The following SHTN1 variants were observed in gnomAD, a reference collection of about 807,000 sequenced individuals.
The protein encoded by SHTN1 is shootin 1.
In SHTN1, 42 loss-of-function variants were observed where a neutral mutation model predicts 83.1. That is an observed-to-expected ratio of 0.51 (90% confidence interval 0.39 to 0.65). The LOEUF is 0.65. Ranked by LOEUF, SHTN1 falls within the 30% of genes least tolerant of loss-of-function variation. The probability of loss-of-function intolerance (pLI) is 0.00; values close to 1 mark genes in which losing one functional copy is unlikely to be tolerated. For synonymous variants in SHTN1, 224 were observed against 247.7 expected (o/e 0.90, Z 0.90); for missense variants, 622 against 737.8 (o/e 0.84, Z 1.82).
chr10:116,887,790 C>G (rs1847213045), intron 16 of SHTN1, among the ~76,000 whole-genome samples: 3 of 152,156 alleles, frequency 2.0e-5, no homozygotes, highest in Admixed American at 1.3e-4. Context: ...CATTTGTGGA[C>G]TAAACGAATG....
At chr10:116,975,469 C>G (rs1282770026) in intron 2 of SHTN1, among the ~76,000 whole-genome samples, 1 of 152,054 alleles carries the variant, frequency 6.6e-6, no homozygotes, top group South Asian at 2.1e-4. Context: ...CATAATTGAT[C>G]GTGGTTATTT....
intron 1 of SHTN1, among the ~76,000 whole-genome samples, chr10:117,085,908 G>T: frequency 6.9e-6 from 1 of 143,922 alleles, no homozygotes; most frequent in Middle Eastern, 3.8e-3. Flanking sequence ...TCTAAAGTCT[G>T]CTTTGTCTGA....
chr10:117,100,778 G>A (rs1853580125), intron 1 of SHTN1, among the ~76,000 whole-genome samples: 1 of 152,170 alleles, frequency 6.6e-6, no homozygotes, highest in Admixed American at 6.5e-5. Flanking sequence ...TGAAGTCTAG[G>A]GATTAAGAGT....
At chr10:116,926,905 T>C (rs1201553507) in intron 11 of SHTN1, among the ~76,000 whole-genome samples, 1 of 152,170 alleles carries the variant, frequency 6.6e-6, no homozygotes, top group Non-Finnish European at 1.5e-5. Context: ...TCCTAGTGTG[T>C]ATTGTGCTCA....
chr10:117,001,320 A>C (rs890788449), intron 1 of SHTN1, among the ~76,000 whole-genome samples: 4 of 152,220 alleles, frequency 2.6e-5, no homozygotes, highest in Admixed American at 2.6e-4. Context: ...AGGAGGGAAC[A>C]TAAAATGTTT....
chr10:117,082,832 T>A (rs960912529), intron 1 of SHTN1, among the ~76,000 whole-genome samples: 3 of 151,866 alleles, frequency 2.0e-5, no homozygotes, highest in African/African-American at 7.2e-5. Context: ...GTTTAAAGTC[T>A]GTCTTATCAG....
At chr10:116,901,285 C>A (rs1013957055) in intron 16 of SHTN1, 79 of 985,200 alleles carry the variant, frequency 8.0e-5, no homozygotes, top group Non-Finnish European at 9.5e-5. Flanking sequence ...ACAGATAACT[C>A]TTTACATAGT....
At chr10:117,005,658 A>G, upstream of SHTN1, 1 of 872,748 alleles carries the variant, frequency 1.1e-6, no homozygotes, top group Non-Finnish European at 1.4e-6. Flanking sequence ...AGCTGCCCAC[A>G]GGGGCGGGCC....
chr10:117,111,203 A>G (rs1284888007), intron 1 of SHTN1, among the ~76,000 whole-genome samples: 2 of 152,156 alleles, frequency 1.3e-5, no homozygotes, highest in Non-Finnish European at 2.9e-5. Flanking sequence ...GTCTCAAAAA[A>G]ACAGAAAACA....
chr10:117,038,033 G>C (rs1005111130), intron 2 of SHTN1, among the ~76,000 whole-genome samples: 35 of 144,138 alleles, frequency 2.4e-4, no homozygotes, highest in African/African-American at 7.7e-4. Flanking sequence ...CAGTGAACCA[G>C]AAAGGATAGC....
chr10:116,893,618 G>A (rs1482812163), intron 16 of SHTN1, among the ~76,000 whole-genome samples: 6 of 34,668 alleles, frequency 1.7e-4, no homozygotes, highest in Non-Finnish European at 3.6e-4. Context: ...GCGGAGAAGC[G>A]GAGGTTATGA....
chr10:117,119,294 T>A (rs1853891589), intron 1 of SHTN1, among the ~76,000 whole-genome samples: 1 of 152,128 alleles, frequency 6.6e-6, no homozygotes, highest in Non-Finnish European at 1.5e-5. Context: ...AAACTGCCCA[T>A]CTGACAAGAG....
At position 116,891,220 on chromosome 10, in the gene SHTN1, A is replaced by G. The variant is rs187016140; in HGVS notation, c.1674-4654T>C. 2.8e-3 allele frequency among the ~76,000 whole-genome samples: 429 copies of G among 152,380 alleles called. 2 individuals carry two copies. Among genetic ancestry groups the G allele is most frequent in the African/African-American group, 9.8e-3 (408 of 41,596 alleles). ...GGTGAGAGTTATTTTATAAAATGCT[A>G]CCTCTGAAAAGCTGATTGCCAAACA... is the stretch of plus-strand genomic sequence containing the variant. On this transcript the variant is annotated intron_variant, in intron 16 of 16. Coordinates refer to ENST00000355371, the MANE Select transcript of SHTN1 (RefSeq NM_001127211.3).
chr10:117,098,647 A>G (rs1488865820), intron 1 of SHTN1, among the ~76,000 whole-genome samples: 1 of 152,136 alleles, frequency 6.6e-6, no homozygotes, highest in Non-Finnish European at 1.5e-5. Flanking sequence ...TCTGAATATG[A>G]GCATCGAACA....
rs897199683 is a variant in SHTN1 at position 116,912,520 on chromosome 10, T to C, written c.1306-677A>G. Among the ~76,000 whole-genome samples, 31 of 152,230 alleles carry C rather than the reference T, an allele frequency of 2.0e-4. 1 individual carries two copies. The South Asian group carries it at 2.1e-3, about 10-fold the overall frequency. On this transcript the variant is annotated intron_variant, in intron 13 of 16. Transcript: ENST00000355371. ...CCAGGTAGTATTTGAGTTAGGTGTC[T>C]TGATTACAAGCTCAGCTCTCTTCTG...
chr10:116,973,751 G>T, intron 2 of SHTN1: 1 of 644,840 alleles, frequency 1.6e-6, no homozygotes, highest in Non-Finnish European at 2.4e-6. Flanking sequence ...GTCTGAAGAA[G>T]TTTAATGCTA....
chr10:117,000,459 T>G (rs1851784073), intron 1 of SHTN1, among the ~76,000 whole-genome samples: 3 of 152,000 alleles, frequency 2.0e-5, no homozygotes, highest in Admixed American at 1.3e-4. Flanking sequence ...TGAAAAGAGG[T>G]TTAAAATTGC....
At chr10:117,004,992 G>A (rs1371864597) in intron 1 of SHTN1, 30 bp downstream of exon 1, 2 of 1,573,532 alleles carry the variant, frequency 1.3e-6, no homozygotes, top group South Asian at 2.3e-5. Context: ...GGCCGCGGCT[G>A]CCCACACCTG....
chr10:116,898,866 C>T (rs1458752795), intron 16 of SHTN1, among the ~76,000 whole-genome samples: 1 of 151,940 alleles, frequency 6.6e-6, no homozygotes, highest in African/African-American at 2.4e-5. Context: ...TTATAAGTCC[C>T]TAGGAAATAA....
Sources: gnomAD v4.1 joint callset for allele counts (sites outside exome capture counted in the v4.1 genomes callset) on GRCh38, gnomAD v4.1.1 for gene constraint, MANE v1.5 for transcripts, NCBI Gene and HGNC (gene_info 2026-07-23, HGNC 2026-07-21) for gene names.